Variants in DCTN2 observed in about 807,000 individuals in gnomAD.
The protein encoded by DCTN2 is dynactin subunit 2.
A neutral mutation model predicts 55.4 loss-of-function variants in DCTN2; 18 were observed. The ratio of observed to expected loss-of-function variants is 0.32; its 90% CI spans 0.22 to 0.48. The LOEUF (loss-of-function observed/expected upper bound fraction) is 0.48. Among genes scored for constraint, DCTN2 ranks in the 20% least tolerant of loss-of-function variants. The probability of loss-of-function intolerance (pLI) is 0.99; values close to 1 mark genes in which losing one functional copy is unlikely to be tolerated. For missense variants in DCTN2, 390 were observed against 491.0 expected (o/e 0.79, Z 1.94); for synonymous variants, 168 against 185.2 (o/e 0.91, Z 0.76).
chr12:57,533,983 A>C lies in DCTN2; in HGVS notation c.639T>G (p.Pro213=). 1.2e-6 allele frequency: 2 copies of C among 1,613,102 alleles called. No homozygotes were observed. The highest frequency in any genetic ancestry group is 1.7e-6 in the Non-Finnish European group (2 of 1,179,512). Residue 213 remains proline, a synonymous_variant, in exon 7 of 14, where the codon CCT becomes CCG. Coordinates refer to ENST00000548249, the MANE Select transcript of DCTN2 (RefSeq NM_001261413.2). ...SLVTYELHSR[P]EQDKFSQAAK... ...CAGCTTGAGAGAACTTGTCCTGCTCAGGCCGAGAATGTAGTTCATAAGTGA... is the reference window on the plus strand; with the variant it reads ...CAGCTTGAGAGAACTTGTCCTGCTCCGGCCGAGAATGTAGTTCATAAGTGA...
chr12:57,543,911 G>A lies in DCTN2; in HGVS notation c.105+2117C>T, dbSNP rs1565684564. ...AAAATAGGCTGTTCAGGCTCTGGGG[G>A]AGAAACAGCCAATCAGAGCTGCACA... On this transcript the variant is annotated intron_variant, in intron 2 of 13. Transcript: ENST00000548249. 7.1e-6 allele frequency: 7 copies of A among 984,430 alleles called. No individual in the cohort carries two copies. The South Asian group carries it at 9.3e-5, about 13-fold the overall frequency. 61.0% of individuals were successfully genotyped at this position (984,430 alleles called of 1,614,324 possible).
intron 8 of DCTN2, 105 bp downstream of exon 8, chr12:57,533,133 G>C (rs1480231928): frequency 6.4e-7 from 1 of 1,560,142 alleles, no homozygotes; most frequent in Non-Finnish European, 8.8e-7. Context: ...CCCTGTAACT[G>C]AAGCCCTTTG....
intron 11 of DCTN2, 75 bp from the exon 12 acceptor site, chr12:57,532,390 G>A (rs776455168): frequency 1.6e-5 from 22 of 1,392,982 alleles, no homozygotes; most frequent in East Asian, 2.4e-5. Flanking sequence ...CTATTTCACC[G>A]TAATGGGGGA....
intron 1 of DCTN2, among the ~76,000 whole-genome samples, chr12:57,546,621 C>A (rs1014724509): frequency 6.6e-6 from 1 of 152,064 alleles, no homozygotes; most frequent in Non-Finnish European, 1.5e-5. Context: ...GAGGGTTCTG[C>A]CAGATGGCAG....
intron 7 of DCTN2, 139 bp downstream of exon 7, chr12:57,533,814 G>T: frequency 1.1e-6 from 1 of 911,030 alleles, no homozygotes. Context: ...CAACGAATCA[G>T]GAATCAAAAG....
intron 2 of DCTN2, chr12:57,543,815 T>G (rs1002000982): frequency 7.8e-7 from 1 of 1,289,586 alleles, no homozygotes; most frequent in Non-Finnish European, 1.0e-6. Context: ...ACTGGCATCC[T>G]GGGCAACATG....
At chr12:57,546,356 C>CG (rs1301775337) in intron 1 of DCTN2, among the ~76,000 whole-genome samples, 1 of 152,050 alleles carries the variant, frequency 6.6e-6, no homozygotes. Context: ...AATCTAGAGG[C>CG]GGGCAGGTCC....
At chr12:57,532,353 G>T in intron 11 of DCTN2, 38 bp from the exon 12 acceptor site, 1 of 1,517,728 alleles carries the variant, frequency 6.6e-7, no homozygotes, top group Non-Finnish European at 9.0e-7. Context: ...GGATGGCTGA[G>T]GCAGCCAGGT....
intron 2 of DCTN2, among the ~76,000 whole-genome samples, chr12:57,545,709 T>C (rs766010563): frequency 6.6e-6 from 1 of 152,214 alleles, no homozygotes; most frequent in Non-Finnish European, 1.5e-5. Flanking sequence ...TTCATTTCCA[T>C]GGGTTAGAAC....
intron 2 of DCTN2, chr12:57,543,087 C>T (rs1880833091): frequency 2.2e-6 from 1 of 449,884 alleles, no homozygotes; most frequent in Admixed American, 2.4e-5. Flanking sequence ...TGGTGGCTCA[C>T]GTCTGTAATC....
In DCTN2 at chr12:57,531,869, A is replaced by G. The variant is rs1017858074; in HGVS notation, c.1119+146T>C. 10 of 1,136,362 alleles carry G rather than the reference A, an allele frequency of 8.8e-6. No individual in the cohort carries two copies. The African/African-American group carries it at 1.6e-4, about 18-fold the overall frequency. The allele number at this position is 1,136,362 out of a possible 1,614,324, so 70.4% of individuals were successfully genotyped here. A position where few individuals can be genotyped will look rare whatever the true frequency, so the allele number is the denominator to read the frequency against. On this transcript the variant is annotated intron_variant, in intron 13 of 13. Transcript: ENST00000548249. ...TTAAATAAGTTGTCAAAGGGCCTTC[A>G]CATTGAAAGCAGGATGGAGACTCCA...
intron 2 of DCTN2, among the ~76,000 whole-genome samples, chr12:57,545,643 A>G (rs1881088946): frequency 6.6e-6 from 1 of 152,224 alleles, no homozygotes. Context: ...GTATTTCTCC[A>G]TATTTCAAAG....
In DCTN2 at chr12:57,531,948, A is replaced by T. The variant is rs189405048; in HGVS notation, c.1119+67T>A. 7 of 1,550,580 alleles carry T rather than the reference A, an allele frequency of 4.5e-6. No homozygotes were observed. The Admixed American group carries it at 1.4e-4, about 30-fold the overall frequency. Reference sequence around the variant, plus strand: ...ACAAAATAGGCTAAGGCAGAACCCTATAACACTGGAGAACCTAGTTTGCAC... The same window carrying T: ...ACAAAATAGGCTAAGGCAGAACCCTTTAACACTGGAGAACCTAGTTTGCAC... On this transcript the variant is annotated intron_variant, in intron 13 of 13. Transcript: ENST00000548249.
At chr12:57,546,634 C>T (rs1881187597) in intron 1 of DCTN2, among the ~76,000 whole-genome samples, 1 of 152,072 alleles carries the variant, frequency 6.6e-6, no homozygotes, top group South Asian at 2.1e-4. Context: ...GATGGCAGAA[C>T]CTCTTCCTTG....
chr12:57,532,948 CTG>C (rs747393007), intron 9 of DCTN2, 34 bp downstream of exon 9: 122 of 1,599,032 alleles, frequency 7.6e-5, no homozygotes, highest in Non-Finnish European at 1.0e-4. Context: ...ACTATCCCCT[CTG>C]TGATCCAAAC....
chr12:57,546,674 G>A (rs1038519015), intron 1 of DCTN2, among the ~76,000 whole-genome samples: 1 of 152,138 alleles, frequency 6.6e-6, no homozygotes, highest in African/African-American at 2.4e-5. Context: ...TAAGTGGTCT[G>A]GTGTGTGTGT....
At chr12:57,541,117 T>A (rs1231558266) in intron 2 of DCTN2, among the ~76,000 whole-genome samples, 1 of 152,138 alleles carries the variant, frequency 6.6e-6, no homozygotes, top group Non-Finnish European at 1.5e-5. Context: ...TTCTATCCCA[T>A]CCTCCACTGG....
At chr12:57,544,193 G>C (rs1305595422) in intron 2 of DCTN2, 1 of 424,306 alleles carries the variant, frequency 2.4e-6, no homozygotes, top group African/African-American at 2.1e-5. Flanking sequence ...CTGTCTCTTG[G>C]CAACTGTGGG....
At chr12:57,531,132 A>T (rs1879660359) in intron 13 of DCTN2, among the ~76,000 whole-genome samples, 1 of 152,224 alleles carries the variant, frequency 6.6e-6, no homozygotes, top group Non-Finnish European at 1.5e-5. Context: ...TAAGTCCTTT[A>T]TATATTTTTT....
Sources: allele counts gnomAD v4.1 joint callset (sites outside exome capture counted in the v4.1 genomes callset), GRCh38; gene constraint gnomAD v4.1.1; transcripts MANE v1.5; gene names NCBI Gene and HGNC (gene_info 2026-07-23, HGNC 2026-07-21).